VWC2L: variants seen among roughly 807,000 people sequenced by gnomAD.
VWC2L encodes the protein von Willebrand factor C domain-containing protein 2-like.
VWC2L carries 10 observed loss-of-function variants against 21.6 expected under a neutral mutation model. The ratio of observed to expected loss-of-function variants is 0.46; its 90% confidence interval spans 0.29 to 0.78. The LOEUF (loss-of-function observed/expected upper bound fraction) is 0.78. VWC2L is among the 30% of genes least tolerant of loss of function. The pLI is 0.10. For missense variants in VWC2L, 209 were observed against 277.1 expected, an observed-to-expected ratio of 0.75 and a Z score of 1.74; for synonymous variants, 96 against 94.3, an observed-to-expected ratio of 1.02 and a Z score of -0.10.
intron 3 of VWC2L, among the ~76,000 whole-genome samples, chr2:214,544,161 T>C (rs1333355966): frequency 1.3e-5 from 2 of 152,134 alleles, no homozygotes; most frequent in African/African-American, 4.8e-5. Flanking sequence ...ATTTGCTCTG[T>C]GTTTGTGAAA....
intron 2 of VWC2L, among the ~76,000 whole-genome samples, chr2:214,434,068 A>C (rs1001456598): frequency 6.6e-6 from 1 of 152,204 alleles, no homozygotes; most frequent in Non-Finnish European, 1.5e-5. Flanking sequence ...ACATAAATAA[A>C]GCCAAGTTCA....
At chr2:214,437,450 A>G (rs1466910194) in intron 3 of VWC2L, among the ~76,000 whole-genome samples, 11 of 152,294 alleles carry the variant, frequency 7.2e-5, no homozygotes, top group Admixed American at 4.6e-4. Flanking sequence ...AGACAATGCA[A>G]TGCTATAAAC....
Position 214,436,626 on chromosome 2 carries a change from T to C in VWC2L, c.391-3T>C, listed in dbSNP as rs773574859. 6.2e-7 allele frequency: 1 copy of C among 1,613,022 alleles called. No individual in the cohort carries two copies. Among genetic ancestry groups the C allele is most frequent in the Non-Finnish European group, 8.5e-7 (1 of 1,179,202 alleles). On this transcript the variant is annotated splice_region_variant and splice_polypyrimidine_tract_variant and intron_variant, in intron 2 of 3. Transcript: ENST00000312504. ...AAGGGGCTAATTTTAGATTTGTTCCTAGCCCTCTCCATGTGAATGGTGTCG... is the reference window on the plus strand; with the variant it reads ...AAGGGGCTAATTTTAGATTTGTTCCCAGCCCTCTCCATGTGAATGGTGTCG...
At chr2:214,553,158 C>G (rs1689820419) in intron 3 of VWC2L, among the ~76,000 whole-genome samples, 1 of 152,314 alleles carries the variant, frequency 6.6e-6, no homozygotes, top group Admixed American at 6.5e-5. Flanking sequence ...CTTGCTCCCT[C>G]TAGTCTGGGT....
At chr2:214,489,360 G>A (rs1688715468) in intron 3 of VWC2L, among the ~76,000 whole-genome samples, 1 of 152,178 alleles carries the variant, frequency 6.6e-6, no homozygotes, top group Admixed American at 6.5e-5. Flanking sequence ...TAGCAGAAGA[G>A]AAAAGAATGA....
chr2:214,495,085 T>G (rs1014583913), intron 3 of VWC2L, among the ~76,000 whole-genome samples: 2 of 152,174 alleles, frequency 1.3e-5, no homozygotes, highest in Non-Finnish European at 2.9e-5. Flanking sequence ...TAATGATTGG[T>G]TCAACGGTTT....
chr2:214,566,162 C>G (rs1690059447), intron 3 of VWC2L, among the ~76,000 whole-genome samples: 1 of 152,164 alleles, frequency 6.6e-6, no homozygotes. Context: ...AAAGCAAAAA[C>G]TAAGCAGATT....
At position 214,508,460 on chromosome 2, in the gene VWC2L, A is replaced by G. The variant is rs1429075211; in HGVS notation, c.521-67212A>G. On this transcript the variant is annotated intron_variant, in intron 3 of 3. Transcript: ENST00000312504. ...TATTGTCAAGGTTGATAACATTTAC[A>G]GTTTCCTATCAAGCTTTGCTCATAG... Among the ~76,000 whole-genome samples the G allele has an allele frequency of 2.0e-5, 3 of 152,210 alleles. No individual in the cohort carries two copies. The East Asian group carries it at 5.8e-4, about 29-fold the overall frequency.
chr2:214,558,216 A>G (rs761113689), intron 3 of VWC2L, among the ~76,000 whole-genome samples: 3 of 152,020 alleles, frequency 2.0e-5, no homozygotes, highest in Non-Finnish European at 4.4e-5. Context: ...TTGTCTTCTT[A>G]GGTGGCTCCA....
intron 3 of VWC2L, among the ~76,000 whole-genome samples, chr2:214,544,298 G>T (rs897747024): frequency 2.0e-5 from 3 of 152,270 alleles, no homozygotes; most frequent in Admixed American, 1.3e-4. Context: ...TATCCTCAGA[G>T]CTGCTGATTC....
chr2:214,566,345 G>A (rs916723139), intron 3 of VWC2L, among the ~76,000 whole-genome samples: 1 of 152,098 alleles, frequency 6.6e-6, no homozygotes, highest in African/African-American at 2.4e-5. Context: ...CTTCTATTGT[G>A]CAGCTTGACC....
intron 3 of VWC2L, among the ~76,000 whole-genome samples, chr2:214,461,398 C>T (rs1440561402): frequency 4.6e-5 from 7 of 152,138 alleles, no homozygotes; most frequent in East Asian, 1.9e-4. Flanking sequence ...TTAATGGTGG[C>T]GGTGATGAGC....
chr2:214,499,322 C>A (rs1688858859), intron 3 of VWC2L, among the ~76,000 whole-genome samples: 1 of 151,964 alleles, frequency 6.6e-6, no homozygotes, highest in African/African-American at 2.4e-5. Context: ...CCAGCCATAC[C>A]ACTCTGTTTC....
chr2:214,557,627 C>A (rs1689893947), intron 3 of VWC2L, among the ~76,000 whole-genome samples: 1 of 152,180 alleles, frequency 6.6e-6, no homozygotes. Flanking sequence ...TTATTCTCCC[C>A]AGTGACTGTC....
intron 3 of VWC2L, among the ~76,000 whole-genome samples, chr2:214,444,605 A>T (rs940941091): frequency 2.6e-5 from 4 of 151,982 alleles, no homozygotes; most frequent in Non-Finnish European, 4.4e-5. Context: ...GAAAAAATGC[A>T]TTTGGGGCAT....
intron 3 of VWC2L, among the ~76,000 whole-genome samples, chr2:214,494,961 C>T (rs923865259): frequency 6.6e-6 from 1 of 152,048 alleles, no homozygotes; most frequent in Non-Finnish European, 1.5e-5. Flanking sequence ...AAGGTCTTTG[C>T]ATTACTTTGA....
chr2:214,483,207 T>C (rs1236514735), intron 3 of VWC2L, among the ~76,000 whole-genome samples: 1 of 152,150 alleles, frequency 6.6e-6, no homozygotes, highest in Admixed American at 6.5e-5. Context: ...CCCTACACCT[T>C]ACTACTGTCT....
At chr2:214,558,101 G>A (rs1176149130) in intron 3 of VWC2L, among the ~76,000 whole-genome samples, 2 of 152,162 alleles carry the variant, frequency 1.3e-5, no homozygotes, top group Admixed American at 1.3e-4. Context: ...GCCCATCTCA[G>A]CTGCACTTGA....
At chr2:214,469,550 G>A (rs1703273666) in intron 3 of VWC2L, among the ~76,000 whole-genome samples, 1 of 152,088 alleles carries the variant, frequency 6.6e-6, no homozygotes, top group African/African-American at 2.4e-5. Context: ...AGCAGACATT[G>A]TGCCACTGCA....
Sources: allele counts gnomAD v4.1 joint callset (sites outside exome capture counted in the v4.1 genomes callset), GRCh38; gene constraint gnomAD v4.1.1; transcripts MANE v1.5; gene names NCBI Gene and HGNC (gene_info 2026-07-23, HGNC 2026-07-21).